Variants in TBC1D22A observed in about 807,000 individuals in gnomAD.
TBC1D22A encodes TBC1 domain family member 22A.
In TBC1D22A, 38 loss-of-function variants were observed where a neutral mutation model predicts 60.2. The observed-to-expected ratio is 0.63, with a 90% CI of 0.49 to 0.83. TBC1D22A has a LOEUF of 0.83. Ranked by LOEUF, TBC1D22A falls within the 40% of genes least tolerant of loss-of-function variation. TBC1D22A has a pLI of 0.00. For synonymous variants in TBC1D22A, 302 were observed against 281.7 expected (o/e 1.07, Z -0.72); for missense variants, 628 against 701.0 (o/e 0.90, Z 1.18).
intron 2 of TBC1D22A, 93 bp from the exon 3 acceptor site, chr22:46,793,408 C>A: frequency 8.1e-7 from 1 of 1,239,986 alleles, no homozygotes; most frequent in Non-Finnish European, 1.2e-6. Flanking sequence ...CTGAACACTT[C>A]TATGCCTGTC....
intron 4 of TBC1D22A, among the ~76,000 whole-genome samples, chr22:46,829,404 G>T (rs575651588): frequency 1.9e-4 from 29 of 152,308 alleles, no homozygotes; most frequent in Admixed American, 1.7e-3. Flanking sequence ...AGGGGTTTGT[G>T]AGGGATGGTC....
intron 8 of TBC1D22A, among the ~76,000 whole-genome samples, chr22:46,930,928 G>A (rs907734304): frequency 1.3e-5 from 2 of 152,062 alleles, no homozygotes; most frequent in African/African-American, 2.4e-5. Flanking sequence ...TAACTTTACC[G>A]TATATCTCCC....
intron 4 of TBC1D22A, among the ~76,000 whole-genome samples, chr22:46,854,447 A>G (rs532456482): frequency 1.3e-5 from 2 of 152,064 alleles, no homozygotes; most frequent in East Asian, 3.9e-4. Context: ...TACATCATAG[A>G]TGGCGCCAAT....
At chr22:46,908,650 C>G (rs576237158) in intron 7 of TBC1D22A, among the ~76,000 whole-genome samples, 31 of 152,224 alleles carry the variant, frequency 2.0e-4, no homozygotes, top group African/African-American at 7.5e-4. Flanking sequence ...ACATTACTAC[C>G]CAGGCTGGTG....
At chr22:47,164,534 C>G (rs6007617) in intron 12 of TBC1D22A, among the ~76,000 whole-genome samples, 101,215 of 152,134 alleles carry the variant, frequency 0.67, 34,390 homozygotes, top group African/African-American at 0.79. Context: ...CTGGGTCTCC[C>G]CTGCCCTTGC....
chr22:47,003,995 T>C (rs902254412), intron 10 of TBC1D22A, among the ~76,000 whole-genome samples: 7 of 139,774 alleles, frequency 5.0e-5, no homozygotes, highest in Non-Finnish European at 9.2e-5. Flanking sequence ...CATGCCTGTA[T>C]ACACACACCC....
At chr22:46,776,120 G>A (rs1487301903) in intron 1 of TBC1D22A, among the ~76,000 whole-genome samples, 1 of 152,260 alleles carries the variant, frequency 6.6e-6, no homozygotes, top group Non-Finnish European at 1.5e-5. Flanking sequence ...TATAGGCAAG[G>A]AAAGGGGAGT....
intron 5 of TBC1D22A, among the ~76,000 whole-genome samples, chr22:46,880,050 G>T (rs375151447): frequency 2.0e-5 from 3 of 152,222 alleles, no homozygotes; most frequent in African/African-American, 4.8e-5. Flanking sequence ...GCAAGTGAGA[G>T]TGTGAACCCA....
At position 47,028,075 on chromosome 22, in the gene TBC1D22A, AGTAGCTCGTGTGCAC is replaced by A. The variant is rs1463505079; in HGVS notation, c.1202-8993_1202-8979del. On this transcript the variant is annotated intron_variant, in intron 10 of 12. Transcript: ENST00000337137. This position sits in a 1 kb window ranked among gnomAD's most constrained non-coding sequence, Gnocchi z 4.4. ...GACCCTGTTTTGGAGGGGTGTGCTG[AGTAGCTCGTGTGCAC>A]GTCTGTGAGGTGAAAATGATTTAAT... Among the ~76,000 whole-genome samples the A allele has an allele frequency of 6.6e-6, 1 of 152,200 alleles. No individual in the cohort carries two copies. The highest frequency in any genetic ancestry group is 1.5e-5 in the Non-Finnish European group (1 of 68,030).
intron 7 of TBC1D22A, among the ~76,000 whole-genome samples, chr22:46,899,363 C>T (rs1053164757): frequency 6.6e-6 from 1 of 151,922 alleles, no homozygotes; most frequent in African/African-American, 2.4e-5. Context: ...AGGAGAATTG[C>T]TTGAACTCGG....
chr22:47,037,159 G>A lies in TBC1D22A; in HGVS notation c.1290G>A (p.Val430=), dbSNP rs1272642631. The A allele has an allele frequency of 2.5e-6, 4 of 1,613,940 alleles. No individual in the cohort carries two copies. The highest frequency in any genetic ancestry group is 3.4e-6 in the Non-Finnish European group (4 of 1,179,932). ...TGAACAACCTGCTGATGAGGGAGGTGCCCCTGCGTTGTACCATCCGCCTGT... is the reference window on the plus strand; with the variant it reads ...TGAACAACCTGCTGATGAGGGAGGTACCCCTGCGTTGTACCATCCGCCTGT... ...RWMNNLLMRE[V]PLRCTIRLWD... is the part of the protein sequence containing the mutation. Residue 430 remains valine (V), a synonymous_variant, in exon 11 of 13, where the codon GTG becomes GTA. Coordinates refer to ENST00000337137, the MANE Select transcript of TBC1D22A (RefSeq NM_014346.5).
At chr22:46,850,326 CTGTG>C (rs148837897) in intron 4 of TBC1D22A, among the ~76,000 whole-genome samples, 9 of 151,950 alleles carry the variant, frequency 5.9e-5, no homozygotes, top group Admixed American at 4.6e-4. Context: ...AGCATGGTGG[CTGTG>C]TGTGTGTGCG....
At chr22:47,131,419 G>A (rs1001699641) in intron 12 of TBC1D22A, among the ~76,000 whole-genome samples, 5 of 152,182 alleles carry the variant, frequency 3.3e-5, no homozygotes, top group Admixed American at 6.5e-5. Context: ...AGTAGTGAAC[G>A]TTGCACCACC....
intron 4 of TBC1D22A, among the ~76,000 whole-genome samples, chr22:46,876,704 G>A (rs2067583884): frequency 1.3e-5 from 2 of 152,176 alleles, no homozygotes; most frequent in Admixed American, 1.3e-4. Flanking sequence ...AGGCGCCTAG[G>A]CCCATTGCTG....
intron 4 of TBC1D22A, among the ~76,000 whole-genome samples, chr22:46,839,669 G>A (rs1462888952): frequency 6.6e-6 from 1 of 152,126 alleles, no homozygotes; most frequent in Non-Finnish European, 1.5e-5. Flanking sequence ...TGAAGCCGGA[G>A]CCACCCCACT....
At chr22:46,871,428 A>G (rs752406117) in intron 4 of TBC1D22A, among the ~76,000 whole-genome samples, 6 of 152,250 alleles carry the variant, frequency 3.9e-5, no homozygotes, top group Non-Finnish European at 7.3e-5. Context: ...TCAAGGACAT[A>G]TGGCACATTC....
chr22:47,002,161 A>C (rs1368595124), intron 10 of TBC1D22A, among the ~76,000 whole-genome samples: 2 of 152,268 alleles, frequency 1.3e-5, no homozygotes, highest in African/African-American at 2.4e-5. Flanking sequence ...ATAGAATTTC[A>C]GCGTATAAAG....
At chr22:46,975,869 C>T (rs981576175) in intron 9 of TBC1D22A, among the ~76,000 whole-genome samples, 9 of 152,142 alleles carry the variant, frequency 5.9e-5, no homozygotes, top group East Asian at 1.9e-4. Flanking sequence ...GCCTGTTGTG[C>T]GGTTGGAGAA....
chr22:46,945,780 G>A lies in TBC1D22A; in HGVS notation c.1016-28510G>A, dbSNP rs994000750. On this transcript the variant is annotated intron_variant, in intron 8 of 12. Coordinates refer to ENST00000337137, the MANE Select transcript of TBC1D22A (RefSeq NM_014346.5). ...CTGCCTCGTGCCTTCCTTGGGTTTG[G>A]TAGTATGATCCTTCTGTAGAGGCGG... Among the ~76,000 whole-genome samples, 10 of 152,190 alleles carry A rather than the reference G, an allele frequency of 6.6e-5. No individual in the cohort carries two copies. The East Asian group carries it at 1.7e-3, about 26-fold the overall frequency.
Sources: allele counts gnomAD v4.1 joint callset (sites outside exome capture counted in the v4.1 genomes callset), GRCh38; gene constraint gnomAD v4.1.1; non-coding constraint Gnocchi (gnomAD v3.1); transcripts MANE v1.5; gene names NCBI Gene and HGNC (gene_info 2026-07-23, HGNC 2026-07-21).